Variants in PTK2 observed in about 807,000 individuals in gnomAD.
The protein encoded by PTK2 is protein tyrosine kinase 2.
In PTK2, 45 loss-of-function variants were observed where a neutral mutation model predicts 150.1. The ratio of observed to expected loss-of-function variants is 0.30; its 90% CI spans 0.24 to 0.38. The LOEUF (loss-of-function observed/expected upper bound fraction) is 0.38, where lower values mean the gene tolerates loss of function less well. Ranked by LOEUF, PTK2 falls within the 10% of genes least tolerant of loss-of-function variation. The pLI, the probability that PTK2 is intolerant of heterozygous loss-of-function variation, is 1.00. For missense variants in PTK2, 919 were observed against 1,307.3 expected (o/e 0.70, Z 4.58); for synonymous variants, 432 against 449.2 (o/e 0.96, Z 0.48).
At chr8:140,680,589 A>C (rs1360313138) in intron 27 of PTK2, among the ~76,000 whole-genome samples, 1 of 152,204 alleles carries the variant, frequency 6.6e-6, no homozygotes, top group Non-Finnish European at 1.5e-5. Context: ...ACACACTGGA[A>C]CACAAAGAAT....
At chr8:140,696,728 G>GA (rs759949542) in intron 26 of PTK2, among the ~76,000 whole-genome samples, 1 of 151,880 alleles carries the variant, frequency 6.6e-6, no homozygotes, top group African/African-American at 2.4e-5. Flanking sequence ...TTTACAAAAA[G>GA]AAAAAAATAA....
chr8:140,683,932 C>A (rs1301463484), intron 27 of PTK2, among the ~76,000 whole-genome samples: 1 of 152,146 alleles, frequency 6.6e-6, no homozygotes, highest in Non-Finnish European at 1.5e-5. Context: ...TGGAAGCACT[C>A]CCCTGAAGAA....
At chr8:140,982,470 G>A (rs2100191789) in intron 1 of PTK2, among the ~76,000 whole-genome samples, 2 of 152,150 alleles carry the variant, frequency 1.3e-5, no homozygotes, top group Non-Finnish European at 2.9e-5. Context: ...GGTGGCGGGT[G>A]CCTGTAATCC....
intron 17 of PTK2, among the ~76,000 whole-genome samples, chr8:140,749,723 G>A (rs752340681): frequency 6.6e-6 from 1 of 152,114 alleles, no homozygotes; most frequent in East Asian, 1.9e-4. Flanking sequence ...AACAATTCCT[G>A]ATCGAGGCCA....
chr8:140,751,705 T>C (rs1258932827), intron 17 of PTK2, among the ~76,000 whole-genome samples: 1 of 152,142 alleles, frequency 6.6e-6, no homozygotes, highest in Non-Finnish European at 1.5e-5. Flanking sequence ...TTGGCCAGAC[T>C]GGTCTCAAAC....
At chr8:140,693,739 C>T (rs1374291080) in intron 26 of PTK2, among the ~76,000 whole-genome samples, 2 of 151,992 alleles carry the variant, frequency 1.3e-5, no homozygotes, top group Non-Finnish European at 1.5e-5. Flanking sequence ...GGACTCCTGA[C>T]CCACTGAAGT....
intron 1 of PTK2, among the ~76,000 whole-genome samples, chr8:140,935,050 A>G (rs1420446279): frequency 2.0e-5 from 3 of 152,236 alleles, no homozygotes; most frequent in South Asian, 2.1e-4. Context: ...TCAGAGGTTA[A>G]AAGTATTATC....
chr8:140,761,484 T>C (rs2100069408), intron 15 of PTK2, among the ~76,000 whole-genome samples: 1 of 152,174 alleles, frequency 6.6e-6, no homozygotes. Flanking sequence ...TGAGTTCTAC[T>C]AAAGGTAGAT....
At chr8:140,878,898 G>A (rs1022681982) in intron 4 of PTK2, among the ~76,000 whole-genome samples, 2 of 151,050 alleles carry the variant, frequency 1.3e-5, no homozygotes, top group Non-Finnish European at 2.9e-5. Flanking sequence ...CAATTATAGG[G>A]AATTCTTTTA....
intron 1 of PTK2, among the ~76,000 whole-genome samples, chr8:140,978,483 T>C (rs2100190151): frequency 6.6e-6 from 1 of 152,166 alleles, no homozygotes; most frequent in South Asian, 2.1e-4. Context: ...AAGAAGACAT[T>C]TATGCAGCCA....
chr8:140,745,022 T>C (rs1018523909), intron 18 of PTK2, among the ~76,000 whole-genome samples: 6 of 152,110 alleles, frequency 3.9e-5, no homozygotes, highest in African/African-American at 1.2e-4. Flanking sequence ...TCTTAAAAAA[T>C]ATAGAAAGAT....
At position 140,682,446 on chromosome 8, in the gene PTK2, A is replaced by G. The variant is rs544969834; in HGVS notation, c.2562+4186T>C. 5.9e-5 allele frequency among the ~76,000 whole-genome samples: 9 copies of G among 152,304 alleles called. No homozygotes were observed. The South Asian group carries it at 1.9e-3, about 32-fold the overall frequency. ...TGTTAACAACGGCTAATATGTGTAT[A>G]TATTTCTTCACTTGATCTTAGCCAA... On this transcript the variant is annotated intron_variant, in intron 27 of 31. Coordinates refer to ENST00000522684, the Ensembl canonical transcript of PTK2.
intron 2 of PTK2, among the ~76,000 whole-genome samples, chr8:140,915,627 T>G (rs754541239): frequency 4.6e-5 from 7 of 152,056 alleles, no homozygotes; most frequent in Non-Finnish European, 1.0e-4. Flanking sequence ...CCGGGCACGG[T>G]GGCTCACGCC....
intron 12 of PTK2, 135 bp from the exon 13 acceptor site, chr8:140,793,519 G>T: frequency 1.2e-6 from 1 of 812,350 alleles, no homozygotes; most frequent in Non-Finnish European, 1.9e-6. Context: ...TTGCTACACT[G>T]TCTACCTTAG....
chr8:140,972,860 T>C (rs201193646), intron 1 of PTK2, among the ~76,000 whole-genome samples: 2 of 151,918 alleles, frequency 1.3e-5, no homozygotes, highest in Non-Finnish European at 2.9e-5. Context: ...CTGACAAATT[T>C]CACCCTATGG....
At chr8:140,923,912 C>CA (rs991074708) in intron 2 of PTK2, among the ~76,000 whole-genome samples, 4 of 152,082 alleles carry the variant, frequency 2.6e-5, no homozygotes, top group Admixed American at 6.5e-5. Flanking sequence ...CTCCAGCTCT[C>CA]ACCGCCCTAC....
At chr8:140,855,171 T>C (rs930949246) in intron 5 of PTK2, among the ~76,000 whole-genome samples, 1 of 152,056 alleles carries the variant, frequency 6.6e-6, no homozygotes, top group African/African-American at 2.4e-5. Context: ...TACTGATTCA[T>C]TTACATAGAA....
rs2154607001 is a variant in PTK2 at position 140,877,212 on chromosome 8, T to C, written c.362+2259A>G. 3.3e-5 allele frequency among the ~76,000 whole-genome samples: 5 copies of C among 152,036 alleles called. 1 individual carries two copies. The Middle Eastern group carries it at 0.014, about 414-fold the overall frequency. ...CACGCCTGGCTAATTTTTGTATTTT[T>C]AGTAGAGACAGGGTTTCACTCATGT... On this transcript the variant is annotated intron_variant, in intron 4 of 31. Transcript: ENST00000522684.
At chr8:140,806,320 A>G (rs901419733) in intron 10 of PTK2, among the ~76,000 whole-genome samples, 3 of 152,212 alleles carry the variant, frequency 2.0e-5, no homozygotes, top group Non-Finnish European at 4.4e-5. Flanking sequence ...ACCAAGGGCA[A>G]GACTTGCTAT....
Sources: allele counts gnomAD v4.1 joint callset (sites outside exome capture counted in the v4.1 genomes callset), GRCh38; gene constraint gnomAD v4.1.1; transcripts MANE v1.5; gene names NCBI Gene and HGNC (gene_info 2026-07-23, HGNC 2026-07-21).